Variants in GMCL1 observed in about 807,000 individuals in gnomAD.
The protein encoded by GMCL1 is germ cell-less protein-like 1.
Under a neutral mutation model 75.5 loss-of-function variants are expected in GMCL1, and 54 were observed. The ratio of observed to expected loss-of-function variants is 0.71; its 90% confidence interval spans 0.57 to 0.90. GMCL1 has a LOEUF of 0.90. Among genes scored for constraint, GMCL1 ranks in the 40% least tolerant of loss-of-function variants. GMCL1 has a pLI of 0.00. For missense variants in GMCL1, 537 were observed against 622.7 expected (o/e 0.86, Z 1.47); for synonymous variants, 210 against 209.6 (o/e 1.00, Z -0.02).
At chr2:69,831,566 T>C (rs1282578894) in intron 1 of GMCL1, among the ~76,000 whole-genome samples, 2 of 151,216 alleles carry the variant, frequency 1.3e-5, no homozygotes, top group Non-Finnish European at 3.0e-5. Context: ...CCCTGTAACC[T>C]TTTTGAAGCG....
At chr2:69,870,474 C>T (rs1196616393) in intron 12 of GMCL1, among the ~76,000 whole-genome samples, 2 of 152,074 alleles carry the variant, frequency 1.3e-5, no homozygotes, top group African/African-American at 2.4e-5. Context: ...CCATAAGACA[C>T]CCAAGCACAG....
intron 4 of GMCL1, among the ~76,000 whole-genome samples, chr2:69,841,805 A>G (rs1674995292): frequency 6.6e-6 from 1 of 152,218 alleles, no homozygotes; most frequent in African/African-American, 2.4e-5. Context: ...TTGCAAAGTA[A>G]GAAGAGGGGA....
rs2103983543 is a variant in GMCL1 at position 69,849,850 on chromosome 2, C to G, written c.934+108C>G. 3 of 593,798 alleles carry G rather than the reference C, an allele frequency of 5.1e-6. No individual in the cohort carries two copies. In the East Asian group the frequency reaches 9.7e-5, roughly 19 times the overall value. 36.8% of individuals were successfully genotyped at this position (593,798 alleles called of 1,614,324 possible). A position where few individuals can be genotyped will look rare whatever the true frequency, so the allele number is the denominator to read the frequency against. On this transcript the variant is annotated intron_variant, in intron 8 of 13. Transcript: ENST00000282570. The stretch of plus-strand genomic sequence containing the variant: ...TTAATTAATTAAATGAAATCAGGCC[C>G]TGACTTGTTTATAGACTTAATTTTA...
chr2:69,844,118 AT>A lies in GMCL1; in HGVS notation c.693-9del. 1 of 1,411,646 alleles carries A rather than the reference AT, an allele frequency of 7.1e-7. No individual in the cohort carries two copies. The highest frequency in any genetic ancestry group is 9.7e-7 in the Non-Finnish European group (1 of 1,028,202). The allele number at this position is 1,411,646 out of a possible 1,614,324, so 87.4% of individuals were successfully genotyped here. On this transcript the variant is annotated splice_polypyrimidine_tract_variant and intron_variant, in intron 5 of 13. Transcript: ENST00000282570. ...ATGGCATATAATGTAATAATTATAT[AT>A]TTTAATTTCAGGTGCCTTGAATGGC...
intron 8 of GMCL1, among the ~76,000 whole-genome samples, chr2:69,852,754 G>T (rs1324050041): frequency 6.6e-6 from 1 of 152,124 alleles, no homozygotes; most frequent in Non-Finnish European, 1.5e-5. Flanking sequence ...GGCCAGGCTG[G>T]TCTTGAACTT....
chr2:69,836,296 A>G (rs956962000), intron 1 of GMCL1, among the ~76,000 whole-genome samples: 1 of 152,072 alleles, frequency 6.6e-6, no homozygotes, highest in African/African-American at 2.4e-5. Context: ...TGATGAGCCT[A>G]CCCTCACCTT....
intron 4 of GMCL1, among the ~76,000 whole-genome samples, chr2:69,841,445 G>T (rs1489104783): frequency 6.6e-6 from 1 of 152,206 alleles, no homozygotes; most frequent in Non-Finnish European, 1.5e-5. Context: ...TGAAAGAATT[G>T]TGTATAAATC....
chr2:69,847,026 C>T (rs1008924632), intron 6 of GMCL1, among the ~76,000 whole-genome samples: 10 of 146,080 alleles, frequency 6.8e-5, no homozygotes, highest in South Asian at 2.1e-4. Flanking sequence ...TTTGGTAGCA[C>T]GAGGTCTCAC....
chr2:69,836,350 A>G (rs1674816398), intron 1 of GMCL1, among the ~76,000 whole-genome samples: 2 of 152,060 alleles, frequency 1.3e-5, no homozygotes. Context: ...TTAATCTTTA[A>G]TGTAATTTGG....
Position 69,869,879 on chromosome 2 carries a change from C to T in GMCL1, c.1364+15C>T, listed in dbSNP as rs1312580440. 2 of 1,609,128 alleles carry T rather than the reference C, an allele frequency of 1.2e-6. No individual in the cohort carries two copies. The highest frequency in any genetic ancestry group is 2.2e-5 in the East Asian group (1 of 44,714). On this transcript the variant is annotated intron_variant, in intron 12 of 13. Transcript: ENST00000282570. ...ATAGCATTTAGGTAGGATGAGATTT[C>T]CCCACCCCACTCCTCCTCACTCCAG...
Position 69,829,691 on chromosome 2 carries a change from T to G in GMCL1, c.-202T>G. 1.8e-6 allele frequency: 1 copy of G among 567,442 alleles called. No individual in the cohort carries two copies. Among genetic ancestry groups the G allele is most frequent in the Non-Finnish European group, 3.0e-6 (1 of 334,000 alleles). 35.2% of individuals were successfully genotyped at this position (567,442 alleles called of 1,614,324 possible). ...TTGCGAAAGCGAGGGGGCGAGGTGC[T>G]GCGGTGCTAGAGCGCGGCGCGACCG... On this transcript the variant is annotated 5_prime_UTR_variant, in exon 1 of 14. Coordinates refer to ENST00000282570, the MANE Select transcript of GMCL1 (RefSeq NM_178439.5).
chr2:69,840,559 G>A (rs946716015), intron 3 of GMCL1, among the ~76,000 whole-genome samples: 2 of 152,210 alleles, frequency 1.3e-5, no homozygotes, highest in African/African-American at 4.8e-5. Context: ...ACATTTCTCA[G>A]TGGTGGAGTG....
In GMCL1 at chr2:69,861,246, TTTA is replaced by T. The variant is rs199989671; in HGVS notation, c.1073-22_1073-20del. 221 of 1,393,814 alleles carry T rather than the reference TTTA, an allele frequency of 1.6e-4. 1 individual carries two copies. The East Asian group carries it at 4.5e-3, about 29-fold the overall frequency. The allele number at this position is 1,393,814 out of a possible 1,614,324, so 86.3% of individuals were successfully genotyped here. ...AATCCTTTATGTTCTTCAGTCGTTA[TTTA>T]TTATTATTAATTTATTCTTACATTT... On this transcript the variant is annotated intron_variant, in intron 9 of 13. Transcript: ENST00000282570.
At chr2:69,849,116 A>C (rs917991935) in intron 7 of GMCL1, among the ~76,000 whole-genome samples, 3 of 152,176 alleles carry the variant, frequency 2.0e-5, no homozygotes, top group South Asian at 2.1e-4. Flanking sequence ...ATACTTCTGA[A>C]GGATTGGCTT....
At chr2:69,850,793 A>G (rs1324921925) in intron 8 of GMCL1, among the ~76,000 whole-genome samples, 2 of 152,230 alleles carry the variant, frequency 1.3e-5, no homozygotes, top group African/African-American at 2.4e-5. Context: ...CAAGCTACCA[A>G]CATGACATCA....
Position 69,872,524 on chromosome 2 carries a change from G to T in GMCL1, c.1452+692G>T, listed in dbSNP as rs183313477. Among the ~76,000 whole-genome samples the T allele has an allele frequency of 3.2e-4, 49 of 152,326 alleles. No individual in the cohort carries two copies. The East Asian group carries it at 9.4e-3, about 29-fold the overall frequency. The stretch of plus-strand genomic sequence containing the variant: ...TTACATAAATTATGAGAAGTTAGTA[G>T]TTTTCCTCAGACTGAAGAGACTATC... On this transcript the variant is annotated intron_variant, in intron 13 of 13. Coordinates refer to ENST00000282570, the MANE Select transcript of GMCL1 (RefSeq NM_178439.5).
Position 69,844,148 on chromosome 2 carries a change from T to G in GMCL1, c.710T>G (p.Leu237Arg). ...AATTTCAGGTGCCTTGAATGGCTTC[T>G]AAACAATTTGATGACTCACCAGAAT... is the stretch of plus-strand genomic sequence containing the variant. The part of the protein sequence containing the change: ...SVKKKCLEWL[L>R]NNLMTHQNVE... The change falls in exon 6 of 14, where the codon CTA becomes CGA. Residue 237 changes from leucine to arginine, a missense_variant. Leu to Arg is a moderately radical substitution (Grantham distance 102, BLOSUM62 -2). Coordinates refer to ENST00000282570, the MANE Select transcript of GMCL1 (RefSeq NM_178439.5). 6.4e-7 allele frequency: 1 copy of G among 1,569,886 alleles called. No individual in the cohort carries two copies. Among genetic ancestry groups the G allele is most frequent in the Non-Finnish European group, 8.7e-7 (1 of 1,155,952 alleles).
At position 69,843,237 on chromosome 2, in the gene GMCL1, A is replaced by G; in HGVS notation, c.668A>G (p.Tyr223Cys). ...GGCTATTACACATCAGCAGGGACCT[A>G]TGGATTAGATTCTGTAAAGAAAAAG... ...VCGYYTSAGT[Y>C]GLDSVKKKCL... The change falls in exon 5 of 14, where the codon TAT (tyrosine) becomes TGT (cysteine). Residue 223 changes from tyrosine (Y) to cysteine (C), a missense_variant. Coordinates refer to ENST00000282570, the MANE Select transcript of GMCL1 (RefSeq NM_178439.5). 6.3e-7 allele frequency: 1 copy of G among 1,596,860 alleles called. No individual in the cohort carries two copies. The highest frequency in any genetic ancestry group is 8.6e-7 in the Non-Finnish European group (1 of 1,165,348).
intron 8 of GMCL1, among the ~76,000 whole-genome samples, chr2:69,852,008 C>T (rs1006382729): frequency 1.3e-5 from 2 of 151,996 alleles, no homozygotes; most frequent in African/African-American, 2.4e-5. Context: ...TTAAATTATA[C>T]TTTTGTGTTA....
Sources: gnomAD v4.1 joint callset for allele counts (sites outside exome capture counted in the v4.1 genomes callset) on GRCh38, gnomAD v4.1.1 for gene constraint, MANE v1.5 for transcripts, NCBI Gene and HGNC (gene_info 2026-07-23, HGNC 2026-07-21) for gene names.